The following NUMB variants were observed in gnomAD, a reference collection of about 807,000 sequenced individuals.
NUMB encodes protein numb homolog.
In NUMB, 29 loss-of-function variants were observed where a neutral mutation model predicts 59.7. The ratio of observed to expected loss-of-function variants is 0.49; its 90% CI spans 0.36 to 0.66. The LOEUF (loss-of-function observed/expected upper bound fraction) is 0.66, where lower values mean the gene tolerates loss of function less well. NUMB is among the 30% of genes least tolerant of loss of function. The pLI, the probability that NUMB is intolerant of heterozygous loss-of-function variation, is 0.00. For synonymous variants in NUMB, 288 were observed against 288.2 expected, an observed-to-expected ratio of 1.00 and a Z score of 0.01; for missense variants, 723 against 822.0, an observed-to-expected ratio of 0.88 and a Z score of 1.47.
intron 8 of NUMB, among the ~76,000 whole-genome samples, chr14:73,287,913 C>G (rs1482749914): frequency 6.6e-6 from 1 of 152,158 alleles, no homozygotes; most frequent in Non-Finnish European, 1.5e-5. Context: ...TGGCCAACAG[C>G]TTAGAAGACT....
intron 2 of NUMB, among the ~76,000 whole-genome samples, chr14:73,404,807 C>T (rs1236062471): frequency 6.6e-6 from 1 of 151,582 alleles, no homozygotes; most frequent in African/African-American, 2.4e-5. Flanking sequence ...GTCACCCAGG[C>T]TGGAGTGCAA....
intron 1 of NUMB, among the ~76,000 whole-genome samples, chr14:73,413,871 G>C (rs78332011): frequency 0.051 from 7,821 of 151,944 alleles, 653 homozygotes; most frequent in African/African-American, 0.18. Context: ...GCCTTTAAAA[G>C]CCCACAAACC....
intron 4 of NUMB, among the ~76,000 whole-genome samples, chr14:73,352,701 A>AT (rs71112736): frequency 0.4 from 52,274 of 131,946 alleles, 11,067 homozygotes; most frequent in Non-Finnish European, 0.48. Context: ...CGTCCAGCTA[A>AT]TTTTTTTTTT....
intron 2 of NUMB, among the ~76,000 whole-genome samples, chr14:73,405,912 T>C (rs760258266): frequency 6.6e-6 from 1 of 152,130 alleles, no homozygotes; most frequent in East Asian, 1.9e-4. Context: ...AAAACTCTGA[T>C]AACTGAGATA....
At chr14:73,372,339 C>A (rs1289720784) in intron 2 of NUMB, among the ~76,000 whole-genome samples, 49 of 39,586 alleles carry the variant, frequency 1.2e-3, no homozygotes, top group Admixed American at 2.5e-3. Context: ...ATATATATAA[C>A]CTTTTATATA....
intron 4 of NUMB, among the ~76,000 whole-genome samples, chr14:73,333,839 T>G (rs1292689748): frequency 6.6e-6 from 1 of 152,108 alleles, no homozygotes; most frequent in Non-Finnish European, 1.5e-5. Context: ...ATGCTTCCTT[T>G]GAAGAATTGT....
At chr14:73,404,195 T>C (rs1222604915) in intron 2 of NUMB, among the ~76,000 whole-genome samples, 3 of 151,534 alleles carry the variant, frequency 2.0e-5, no homozygotes, top group East Asian at 1.9e-4. Context: ...TGAGCTGAGA[T>C]TGTGCCACTG....
intron 4 of NUMB, among the ~76,000 whole-genome samples, chr14:73,352,531 T>G (rs200733096): frequency 6.3e-4 from 7 of 11,094 alleles, no homozygotes; most frequent in African/African-American, 1.4e-3. Flanking sequence ...TATATATATG[T>G]TTTTTTTTTT....
intron 5 of NUMB, among the ~76,000 whole-genome samples, chr14:73,317,156 T>C (rs1891127718): frequency 6.6e-6 from 1 of 152,252 alleles, no homozygotes; most frequent in Non-Finnish European, 1.5e-5. Context: ...AATTATCTAT[T>C]AAGGTTACAA....
intron 8 of NUMB, among the ~76,000 whole-genome samples, chr14:73,289,468 G>A (rs1390403126): frequency 6.6e-6 from 1 of 152,204 alleles, no homozygotes. Context: ...TTCACAGTGA[G>A]AAGAGATATT....
intron 1 of NUMB, among the ~76,000 whole-genome samples, chr14:73,436,598 G>A (rs181573233): frequency 7.4e-4 from 112 of 152,102 alleles, no homozygotes; most frequent in Non-Finnish European, 1.4e-3. Flanking sequence ...GATTACAAGC[G>A]TGAGCCACCG....
intron 9 of NUMB, 90 bp downstream of exon 9, chr14:73,287,020 T>G: frequency 1.6e-6 from 2 of 1,228,232 alleles, no homozygotes; most frequent in East Asian, 4.6e-5. Flanking sequence ...TCTCTTTGAT[T>G]ATGAGAAAAT....
At chr14:73,384,744 T>TTG (rs1328428305) in intron 2 of NUMB, among the ~76,000 whole-genome samples, 2 of 151,290 alleles carry the variant, frequency 1.3e-5, no homozygotes, top group Non-Finnish European at 2.9e-5. Context: ...TTTTGTTTGT[T>TTG]TGTTTGTTTG....
chr14:73,406,179 T>C (rs1310873470), intron 2 of NUMB, among the ~76,000 whole-genome samples: 1 of 152,030 alleles, frequency 6.6e-6, no homozygotes, highest in African/African-American at 2.4e-5. Context: ...TGTGCCACGT[T>C]GGTGTGCTGC....
At chr14:73,387,172 G>A (rs372737108) in intron 2 of NUMB, among the ~76,000 whole-genome samples, 1 of 152,002 alleles carries the variant, frequency 6.6e-6, no homozygotes, top group Non-Finnish European at 1.5e-5. Context: ...GTGAGCCACC[G>A]CGCCCGGCCT....
intron 4 of NUMB, among the ~76,000 whole-genome samples, chr14:73,328,445 AG>A (rs774426735): frequency 2.2e-4 from 33 of 152,286 alleles, no homozygotes; most frequent in Admixed American, 1.0e-3. Context: ...ATTCCTTTAT[AG>A]GTTTTCATAT....
intron 1 of NUMB, among the ~76,000 whole-genome samples, chr14:73,441,519 G>GAGCA (rs778532608): frequency 3.3e-4 from 50 of 151,872 alleles, no homozygotes; most frequent in Non-Finnish European, 8.8e-5. Flanking sequence ...CTGGGCAACA[G>GAGCA]AGCAAGACTC....
chr14:73,309,160 T>G (rs544313920), intron 6 of NUMB, among the ~76,000 whole-genome samples: 1 of 152,238 alleles, frequency 6.6e-6, no homozygotes, highest in South Asian at 2.1e-4. Flanking sequence ...ACACAGATAG[T>G]TCATCCCTTG....
chr14:73,442,688 T>C (rs1883152982), intron 1 of NUMB, among the ~76,000 whole-genome samples: 1 of 152,164 alleles, frequency 6.6e-6, no homozygotes, highest in East Asian at 1.9e-4. Flanking sequence ...ATGCTATTTA[T>C]ATAAAATTCT....
Sources: allele counts gnomAD v4.1 joint callset (sites outside exome capture counted in the v4.1 genomes callset), GRCh38; gene constraint gnomAD v4.1.1; transcripts MANE v1.5; gene names NCBI Gene and HGNC (gene_info 2026-07-23, HGNC 2026-07-21).